PRKG1: variants seen among roughly 807,000 people sequenced by gnomAD.
PRKG1 encodes protein kinase cGMP-dependent 1.
PRKG1 carries 35 observed loss-of-function variants against 88.1 expected under a neutral mutation model. The ratio of observed to expected loss-of-function variants is 0.40; its 90% CI spans 0.30 to 0.53. The LOEUF (loss-of-function observed/expected upper bound fraction) is 0.53. Ranked by LOEUF, PRKG1 falls within the 20% of genes least tolerant of loss-of-function variation. The probability of loss-of-function intolerance (pLI) is 0.59; values close to 1 mark genes in which losing one functional copy is unlikely to be tolerated. For missense variants in PRKG1, 540 were observed against 839.8 expected, an observed-to-expected ratio of 0.64 and a Z score of 4.41; for synonymous variants, 303 against 292.5, an observed-to-expected ratio of 1.04 and a Z score of -0.37.
chr10:52,261,726 A>G (rs950419626), intron 10 of PRKG1, among the ~76,000 whole-genome samples: 2 of 152,076 alleles, frequency 1.3e-5, no homozygotes, highest in African/African-American at 4.8e-5. Context: ...AAATCATATG[A>G]TGTTATTGTG....
chr10:52,250,421 G>T (rs918139823), intron 9 of PRKG1, among the ~76,000 whole-genome samples: 1 of 152,216 alleles, frequency 6.6e-6, no homozygotes. Context: ...CCCAAGTGGA[G>T]AGTCTAAATT....
At chr10:52,210,044 T>A (rs1839926451) in intron 9 of PRKG1, among the ~76,000 whole-genome samples, 1 of 152,176 alleles carries the variant, frequency 6.6e-6, no homozygotes, top group Admixed American at 6.6e-5. Context: ...GGAGCAATTA[T>A]CCATGCTTCT....
chr10:51,950,318 G>GA (rs1030007863), intron 5 of PRKG1, among the ~76,000 whole-genome samples: 6 of 152,288 alleles, frequency 3.9e-5, no homozygotes, highest in Admixed American at 2.0e-4. Context: ...ATAAACTAGA[G>GA]AAAAAACAAG....
intron 3 of PRKG1, among the ~76,000 whole-genome samples, chr10:51,761,820 C>T (rs558991271): frequency 6.6e-6 from 1 of 152,254 alleles, no homozygotes; most frequent in African/African-American, 2.4e-5. Context: ...TATGTGGCTT[C>T]TGTCTTTCTA....
chr10:51,670,744 ATAAAT>A (rs1375189960), intron 3 of PRKG1, among the ~76,000 whole-genome samples: 2 of 125,728 alleles, frequency 1.6e-5, no homozygotes, highest in Admixed American at 7.7e-5. Context: ...TCAAAAAAAA[ATAAAT>A]AAATAAATAA....
At chr10:51,125,427 C>T (rs2055831811) in intron 1 of PRKG1, among the ~76,000 whole-genome samples, 2 of 150,534 alleles carry the variant, frequency 1.3e-5, no homozygotes, top group Admixed American at 1.3e-4. Flanking sequence ...GTGGCTGAAG[C>T]CTGTAATCTC....
At chr10:51,111,322 C>T (rs1039504423) in intron 1 of PRKG1, among the ~76,000 whole-genome samples, 2 of 151,972 alleles carry the variant, frequency 1.3e-5, no homozygotes, top group East Asian at 1.9e-4. Flanking sequence ...TTATGAGATA[C>T]ATGAGATGTT....
chr10:51,215,743 T>C (rs1354348502), intron 2 of PRKG1, among the ~76,000 whole-genome samples: 1 of 152,190 alleles, frequency 6.6e-6, no homozygotes, highest in East Asian at 1.9e-4. Context: ...CTTTCACCAG[T>C]ATGACAAAAA....
intron 3 of PRKG1, chr10:51,697,561 G>T (rs1418072145): frequency 3.5e-6 from 3 of 852,432 alleles, no homozygotes; most frequent in African/African-American, 1.7e-5. Context: ...GAAAGAAAAA[G>T]AACAAAAAAT....
At chr10:51,570,362 C>T (rs1837720996) in intron 3 of PRKG1, among the ~76,000 whole-genome samples, 1 of 151,416 alleles carries the variant, frequency 6.6e-6, no homozygotes, top group Admixed American at 6.6e-5. Flanking sequence ...ATAAATTAAG[C>T]TAGAGAAAAA....
intron 3 of PRKG1, among the ~76,000 whole-genome samples, chr10:51,710,842 G>A (rs1841727485): frequency 1.3e-5 from 2 of 151,980 alleles, no homozygotes. Flanking sequence ...TTTTGGGGGG[G>A]GCGGGAAATA....
At chr10:51,000,971 C>G (rs1842883034) in intron 1 of PRKG1, among the ~76,000 whole-genome samples, 1 of 152,148 alleles carries the variant, frequency 6.6e-6, no homozygotes, top group African/African-American at 2.4e-5. Context: ...TTGTCAACTT[C>G]TTCATAGGAA....
chr10:51,682,084 C>G (rs1350442647), intron 3 of PRKG1, among the ~76,000 whole-genome samples: 1 of 152,086 alleles, frequency 6.6e-6, no homozygotes, highest in Non-Finnish European at 1.5e-5. Context: ...AATATACAAG[C>G]CATAAAAGCT....
intron 2 of PRKG1, among the ~76,000 whole-genome samples, chr10:51,159,090 G>C (rs1349211918): frequency 6.6e-6 from 1 of 151,972 alleles, no homozygotes; most frequent in Non-Finnish European, 1.5e-5. Context: ...AGCCACCGTC[G>C]ACAGTAAACT....
chr10:51,317,710 G>A (rs912764295), intron 2 of PRKG1, among the ~76,000 whole-genome samples: 9 of 152,134 alleles, frequency 5.9e-5, no homozygotes, highest in Non-Finnish European at 1.2e-4. Flanking sequence ...GGTTTATTCT[G>A]AACATTGCAA....
At chr10:52,122,920 T>A (rs558432297) in intron 7 of PRKG1, among the ~76,000 whole-genome samples, 1 of 152,316 alleles carries the variant, frequency 6.6e-6, no homozygotes, top group South Asian at 2.1e-4. Context: ...GTTCCACTGA[T>A]AACACAAAGG....
Position 51,602,540 on chromosome 10 carries a change from G to A in PRKG1, c.592+134704G>A, listed in dbSNP as rs116339656. On this transcript the variant is annotated intron_variant, in intron 3 of 17. Transcript: ENST00000373980. Reference sequence around the variant, plus strand: ...ACTCACTGCAGCCTTGACCTCCTGCGTCAGCCTCGTGAGTAGCTGGAACCA... The same window carrying A: ...ACTCACTGCAGCCTTGACCTCCTGCATCAGCCTCGTGAGTAGCTGGAACCA... Among the ~76,000 whole-genome samples, 373 of 151,898 alleles carry A rather than the reference G, an allele frequency of 2.5e-3. 2 individuals carry two copies. The highest frequency in any genetic ancestry group is 8.2e-3 in the African/African-American group (340 of 41,406).
chr10:51,043,096 G>T (rs1355470012), intron 1 of PRKG1, among the ~76,000 whole-genome samples: 2 of 152,128 alleles, frequency 1.3e-5, no homozygotes, highest in African/African-American at 4.8e-5. Context: ...GGGACAAGGG[G>T]ATTGAGCCTT....
chr10:52,292,939 G>C (rs1311660274), intron 17 of PRKG1, among the ~76,000 whole-genome samples: 1 of 152,026 alleles, frequency 6.6e-6, no homozygotes. Context: ...GTAAATAAAG[G>C]GTATTCAATT....
Sources: allele counts gnomAD v4.1 joint callset (sites outside exome capture counted in the v4.1 genomes callset), GRCh38; gene constraint gnomAD v4.1.1; transcripts MANE v1.5; gene names NCBI Gene and HGNC (gene_info 2026-07-23, HGNC 2026-07-21).